The following FAM20A variants were observed in gnomAD, a reference collection of about 807,000 sequenced individuals.
FAM20A encodes pseudokinase FAM20A.
Under a neutral mutation model 52.0 loss-of-function variants are expected in FAM20A, and 42 were observed. The ratio of observed to expected loss-of-function variants is 0.81; its 90% CI spans 0.63 to 1.04. The LOEUF (loss-of-function observed/expected upper bound fraction) is 1.04, where lower values mean the gene tolerates loss of function less well. FAM20A is among the 50% of genes least tolerant of loss of function. The pLI is 0.00. For missense variants in FAM20A, 742 were observed against 712.7 expected (o/e 1.04, Z -0.47); for synonymous variants, 304 against 298.9 (o/e 1.02, Z -0.18).
In FAM20A at chr17:68,536,025, G is replaced by T. The variant is rs1222274831; in HGVS notation, c.*1452C>A. 1.8e-5 allele frequency: 8 copies of T among 454,012 alleles called. No individual in the cohort carries two copies. Among genetic ancestry groups the T allele is most frequent in the African/African-American group, 1.6e-4 (8 of 50,010 alleles). 28.1% of individuals were successfully genotyped at this position (454,012 alleles called of 1,614,324 possible). On this transcript the variant is annotated 3_prime_UTR_variant, in exon 11 of 11. Coordinates refer to ENST00000592554, the MANE Select transcript of FAM20A (RefSeq NM_017565.4). ...TGGAAACCTGTGTGTTGCTTCTGTA[G>T]CGTTGGTGAGTGCCTCACCTGGTCA...
chr17:68,560,368 C>T (rs1171580712), intron 1 of FAM20A, among the ~76,000 whole-genome samples: 2 of 150,960 alleles, frequency 1.3e-5, no homozygotes, highest in African/African-American at 2.4e-5. Context: ...AAAGAGATTT[C>T]GGAATGCTAT....
intron 4 of FAM20A, among the ~76,000 whole-genome samples, chr17:68,548,240 A>G (rs2086657840): frequency 6.6e-6 from 1 of 152,146 alleles, no homozygotes; most frequent in South Asian, 2.1e-4. Context: ...CTAAAAATAG[A>G]AAAAATTAGC....
At chr17:68,578,404 C>T (rs139075235) in intron 1 of FAM20A, among the ~76,000 whole-genome samples, 30 of 152,292 alleles carry the variant, frequency 2.0e-4, no homozygotes, top group East Asian at 1.9e-3. Context: ...AGTCCTTGGC[C>T]TGTGAGCTAG....
intron 1 of FAM20A, among the ~76,000 whole-genome samples, chr17:68,588,678 C>T (rs1032470651): frequency 6.6e-6 from 1 of 152,154 alleles, no homozygotes; most frequent in African/African-American, 2.4e-5. Flanking sequence ...CTTATGAGGA[C>T]ACCAATCATA....
In FAM20A at chr17:68,600,901, C is replaced by A; in HGVS notation, c.-235G>T. 2.0e-6 allele frequency: 1 copy of A among 491,860 alleles called. No homozygotes were observed. The highest frequency in any genetic ancestry group is 3.5e-6 in the Non-Finnish European group (1 of 283,734). 30.5% of individuals were successfully genotyped at this position (491,860 alleles called of 1,614,324 possible). ...GGAGTCAGCGGGCGTCGCTTCTCCG[C>A]GCCGAGTGAGCCGAGGGAATGGGGT... On this transcript the variant is annotated 5_prime_UTR_variant, in exon 1 of 11. Transcript: ENST00000592554. The surrounding 1 kb of genome is among the most constrained non-coding windows in gnomAD (Gnocchi z 6.2).
rs148063190 is a variant in FAM20A at position 68,551,948 on chromosome 17, A to T, written c.644T>A (p.Val215Glu). The part of the protein sequence containing the change: ...LLGACDCTQI[V>E]KPSGVHLKLV... Reference sequence around the variant, plus strand: ...CTTGAGGTGGACCCCACTGGGTTTCACAACTGTGAAAGGCAGAAGGGTGAG... The same window carrying T: ...CTTGAGGTGGACCCCACTGGGTTTCTCAACTGTGAAAGGCAGAAGGGTGAG... The change falls in exon 4 of 11, where the codon GTG (valine) becomes GAG (glutamate). Residue 215 changes from valine (V) to glutamate (E), a missense_variant. By Grantham distance (121) the Val-to-Glu change is moderately radical. Transcript: ENST00000592554. The T allele has an allele frequency of 3.2e-6, 5 of 1,581,496 alleles. No individual in the cohort carries two copies. Among genetic ancestry groups the T allele is most frequent in the Non-Finnish European group, 4.3e-6 (5 of 1,161,406 alleles).
intron 1 of FAM20A, among the ~76,000 whole-genome samples, chr17:68,581,408 T>TTCTTTC (rs2087971148): frequency 6.8e-6 from 1 of 146,704 alleles, no homozygotes; most frequent in Non-Finnish European, 1.5e-5. Context: ...CTTTCTTTCT[T>TTCTTTC]TCTTTCTTTT....
At chr17:68,556,898 A>G (rs2087067732) in intron 1 of FAM20A, among the ~76,000 whole-genome samples, 1 of 152,114 alleles carries the variant, frequency 6.6e-6, no homozygotes, top group Non-Finnish European at 1.5e-5. Flanking sequence ...AACAAAACAA[A>G]CATGGCAGAT....
intron 4 of FAM20A, among the ~76,000 whole-genome samples, chr17:68,546,555 G>C (rs1390694212): frequency 6.6e-6 from 1 of 152,052 alleles, no homozygotes; most frequent in Non-Finnish European, 1.5e-5. Flanking sequence ...ACTTGGCTGG[G>C]CGTGGTGGCT....
chr17:68,599,042 A>G (rs1038874943), intron 1 of FAM20A, among the ~76,000 whole-genome samples: 1 of 152,252 alleles, frequency 6.6e-6, no homozygotes, highest in Admixed American at 6.5e-5. Context: ...TGTGAGCCGT[A>G]GAGTTACTAC....
At chr17:68,568,475 A>G (rs1338986318) in intron 1 of FAM20A, among the ~76,000 whole-genome samples, 2 of 151,110 alleles carry the variant, frequency 1.3e-5, no homozygotes, top group African/African-American at 2.4e-5. Flanking sequence ...CTCTAAAATA[A>G]ATAAATAAAT....
At chr17:68,593,190 A>G (rs2088360011) in intron 1 of FAM20A, among the ~76,000 whole-genome samples, 2 of 152,364 alleles carry the variant, frequency 1.3e-5, no homozygotes, top group South Asian at 2.1e-4. Flanking sequence ...GCTGGTTAGA[A>G]TGTTATCCCT....
chr17:68,586,626 C>T (rs1213388749), intron 1 of FAM20A, among the ~76,000 whole-genome samples: 1 of 152,182 alleles, frequency 6.6e-6, no homozygotes, highest in Non-Finnish European at 1.5e-5. Flanking sequence ...CAGCCAGAAG[C>T]CAGTGAAAGC....
In FAM20A at chr17:68,579,353, C is replaced by T. The variant is rs115887814; in HGVS notation, c.404+20910G>A. On this transcript the variant is annotated intron_variant, in intron 1 of 10. Coordinates refer to ENST00000592554, the MANE Select transcript of FAM20A (RefSeq NM_017565.4). The stretch of plus-strand genomic sequence containing the variant: ...GATGGAACATGGACTATGGGTCCTC[C>T]TCAAATGTGCTCCCAGACACCCTAA... Among the ~76,000 whole-genome samples, 838 of 152,176 alleles carry T rather than the reference C, an allele frequency of 5.5e-3. 5 individuals are homozygous for T. The highest frequency in any genetic ancestry group is 0.019 in the African/African-American group (793 of 41,516).
chr17:68,588,630 A>G (rs545125426), intron 1 of FAM20A, among the ~76,000 whole-genome samples: 1 of 152,294 alleles, frequency 6.6e-6, no homozygotes, highest in South Asian at 2.1e-4. Flanking sequence ...GTGTCTTCAC[A>G]TGGTCTTCTA....
At chr17:68,577,598 G>A (rs2143834865) in intron 1 of FAM20A, among the ~76,000 whole-genome samples, 1 of 152,332 alleles carries the variant, frequency 6.6e-6, no homozygotes, top group Admixed American at 6.5e-5. Flanking sequence ...TGTCAGTAAT[G>A]CTGAGTTAGA....
At position 68,542,689 on chromosome 17, in the gene FAM20A, T is replaced by C. The variant is rs1469475522; in HGVS notation, c.928+5A>G. 1 of 1,608,604 alleles carries C rather than the reference T, an allele frequency of 6.2e-7. No homozygotes were observed. The highest frequency in any genetic ancestry group is 1.1e-5 in the South Asian group (1 of 90,974). On this transcript the variant is annotated splice_donor_5th_base_variant and intron_variant, in intron 6 of 10. Coordinates refer to ENST00000592554, the MANE Select transcript of FAM20A (RefSeq NM_017565.4). ...CCCGGAATATCACTCGGGCCAGTACTCTACCTGGAGAGACAAAGAAAACAC... is the reference window on the plus strand; with the variant it reads ...CCCGGAATATCACTCGGGCCAGTACCCTACCTGGAGAGACAAAGAAAACAC...
At chr17:68,573,453 TTTC>T (rs1395031239) in intron 1 of FAM20A, among the ~76,000 whole-genome samples, 3 of 86,882 alleles carry the variant, frequency 3.5e-5, no homozygotes, top group African/African-American at 1.2e-4. Context: ...TCTTTCTTTC[TTTC>T]TTCTTTCTTT....
At chr17:68,579,966 T>C (rs1253119743) in intron 1 of FAM20A, among the ~76,000 whole-genome samples, 1 of 152,138 alleles carries the variant, frequency 6.6e-6, no homozygotes, top group Non-Finnish European at 1.5e-5. Flanking sequence ...TTGGTACTTA[T>C]TGAACATAGG....
Sources: allele counts gnomAD v4.1 joint callset (sites outside exome capture counted in the v4.1 genomes callset), GRCh38; gene constraint gnomAD v4.1.1; non-coding constraint Gnocchi (gnomAD v3.1); transcripts MANE v1.5; gene names NCBI Gene and HGNC (gene_info 2026-07-23, HGNC 2026-07-21).